FOCAD: variants seen among roughly 807,000 people sequenced by gnomAD.
The protein encoded by FOCAD is focadhesin.
FOCAD carries 198 observed loss-of-function variants against 225.6 expected under a neutral mutation model. The observed-to-expected ratio is 0.88, with a 90% CI of 0.78 to 0.99. FOCAD has a LOEUF of 0.99. FOCAD is among the 50% of genes least tolerant of loss of function. FOCAD has a pLI of 0.00. For synonymous variants in FOCAD, 897 were observed against 755.0 expected (o/e 1.19, Z -3.08); for missense variants, 2,713 against 2,123.6 (o/e 1.28, Z -5.46).
At chr9:20,678,275 T>C (rs955064710) in intron 2 of FOCAD, among the ~76,000 whole-genome samples, 2 of 152,200 alleles carry the variant, frequency 1.3e-5, no homozygotes, top group African/African-American at 4.8e-5. Context: ...GAAAAGTGGT[T>C]GTAGTTATTA....
chr9:20,781,454 C>T (rs1053675136), intron 9 of FOCAD, among the ~76,000 whole-genome samples: 1 of 151,092 alleles, frequency 6.6e-6, no homozygotes, highest in African/African-American at 2.4e-5. Context: ...ATATTAAGGG[C>T]AAATGTTGAA....
At chr9:20,849,848 A>T (rs1446395971) in intron 15 of FOCAD, among the ~76,000 whole-genome samples, 2 of 151,890 alleles carry the variant, frequency 1.3e-5, no homozygotes, top group African/African-American at 4.8e-5. Flanking sequence ...CTGCAAAAAG[A>T]AGGCCTATCT....
intron 2 of FOCAD, among the ~76,000 whole-genome samples, chr9:20,665,364 T>G (rs948990737): frequency 6.6e-6 from 1 of 152,154 alleles, no homozygotes; most frequent in Non-Finnish European, 1.5e-5. Flanking sequence ...TTTACACTGC[T>G]TAGGACAATA....
chr9:20,786,044 T>C (rs1204625788), intron 10 of FOCAD, among the ~76,000 whole-genome samples: 1 of 152,228 alleles, frequency 6.6e-6, no homozygotes, highest in Non-Finnish European at 1.5e-5. Flanking sequence ...AAACTGAGAT[T>C]AGAGCGGTTA....
intron 19 of FOCAD, among the ~76,000 whole-genome samples, chr9:20,879,979 C>A (rs896237284): frequency 3.9e-5 from 6 of 152,160 alleles, no homozygotes; most frequent in Admixed American, 3.9e-4. Context: ...CATCATAGTG[C>A]CTCTACCCTC....
chr9:20,746,457 A>G lies in FOCAD; in HGVS notation c.392+6117A>G, dbSNP rs1828044708. Among the ~76,000 whole-genome samples, 3 of 152,102 alleles carry G rather than the reference A, an allele frequency of 2.0e-5. No homozygotes were observed. The South Asian group carries it at 6.2e-4, about 31-fold the overall frequency. Reference sequence around the variant, plus strand: ...AAAGAGCCGTGGGAAGTCATTAAAAACATTTCTTTTTAACTTACTGTATTG... The same window carrying G: ...AAAGAGCCGTGGGAAGTCATTAAAAGCATTTCTTTTTAACTTACTGTATTG... On this transcript the variant is annotated intron_variant, in intron 5 of 43. Coordinates refer to ENST00000338382, the MANE Select transcript of FOCAD (RefSeq NM_001375567.1).
chr9:20,777,087 G>T (rs538426700), intron 8 of FOCAD, among the ~76,000 whole-genome samples: 2 of 150,308 alleles, frequency 1.3e-5, no homozygotes, highest in East Asian at 1.9e-4. Context: ...TTCTTTTGTT[G>T]TTTTTTTTCA....
chr9:20,942,535 AT>A (rs1381498604), intron 28 of FOCAD, among the ~76,000 whole-genome samples: 1 of 152,206 alleles, frequency 6.6e-6, no homozygotes, highest in East Asian at 1.9e-4. Context: ...CGTTCAGTGA[AT>A]TTTACTACTT....
At chr9:20,835,451 T>G (rs1209046615) in intron 15 of FOCAD, among the ~76,000 whole-genome samples, 1 of 152,104 alleles carries the variant, frequency 6.6e-6, no homozygotes, top group East Asian at 1.9e-4. Flanking sequence ...GAGTGTAGTT[T>G]AGGAACAATT....
At chr9:20,950,947 G>A (rs1423638099) in intron 33 of FOCAD, 49 bp from the exon 34 acceptor site, 1 of 1,512,814 alleles carries the variant, frequency 6.6e-7, no homozygotes, top group African/African-American at 1.4e-5. Context: ...TTTATTGAAT[G>A]GAACTTGGAT....
chr9:20,982,506 A>G (rs566882202), intron 39 of FOCAD, 60 bp downstream of exon 39: 2 of 1,346,356 alleles, frequency 1.5e-6, no homozygotes, highest in Non-Finnish European at 2.1e-6. Context: ...CGATTGAATA[A>G]TTGATTTCAG....
Position 20,758,164 on chromosome 9 carries a change from C to G in FOCAD, c.467C>G (p.Thr156Arg). The G allele has an allele frequency of 1.2e-5, 19 of 1,612,146 alleles. No homozygotes were observed. The highest frequency in any genetic ancestry group is 1.6e-5 in the Non-Finnish European group (19 of 1,179,152). ...DCWPVFLQQL[T>R]AFFQQCPERL... is the part of the protein sequence containing the mutation. ...TGGCCAGTGTTTTTGCAGCAGCTGA[C>G]AGCGTTTTTCCAGCAGTGCCCTGAA... Residue 156 changes from threonine to arginine, a missense_variant, in exon 6 of 44, where the codon ACA becomes AGA. Coordinates refer to ENST00000338382, the MANE Select transcript of FOCAD (RefSeq NM_001375567.1).
At chr9:20,966,172 T>A (rs1295007660) in intron 35 of FOCAD, among the ~76,000 whole-genome samples, 1 of 152,156 alleles carries the variant, frequency 6.6e-6, no homozygotes, top group Non-Finnish European at 1.5e-5. Context: ...AGGGTTCCAA[T>A]TTCTCCACGT....
chr9:20,660,715 G>A (rs530289883), intron 2 of FOCAD, among the ~76,000 whole-genome samples: 9 of 152,300 alleles, frequency 5.9e-5, no homozygotes, highest in Non-Finnish European at 1.0e-4. Context: ...GTGTTCACTG[G>A]ATGTGAAAAG....
chr9:20,757,208 C>T (rs1022299127), intron 5 of FOCAD, among the ~76,000 whole-genome samples: 2 of 152,230 alleles, frequency 1.3e-5, no homozygotes, highest in East Asian at 1.9e-4. Flanking sequence ...GGATTACAGG[C>T]GTGAGCCACC....
intron 35 of FOCAD, among the ~76,000 whole-genome samples, chr9:20,960,131 C>G (rs1426870367): frequency 6.6e-6 from 1 of 152,142 alleles, no homozygotes; most frequent in Non-Finnish European, 1.5e-5. Context: ...TCTCCTTCAA[C>G]CTGAACACTT....
chr9:20,989,765 G>A (rs1363239482), intron 41 of FOCAD, among the ~76,000 whole-genome samples: 4 of 152,136 alleles, frequency 2.6e-5, no homozygotes, highest in African/African-American at 2.4e-5. Context: ...TCTTCATTTT[G>A]TAAGCTCTTT....
intron 11 of FOCAD, among the ~76,000 whole-genome samples, chr9:20,810,131 C>A (rs1412048143): frequency 6.6e-6 from 1 of 152,100 alleles, no homozygotes; most frequent in African/African-American, 2.4e-5. Context: ...GTCAAGAAGA[C>A]ATCAAGTGCA....
chr9:20,829,721 A>G (rs1825295282), intron 15 of FOCAD, among the ~76,000 whole-genome samples: 1 of 152,120 alleles, frequency 6.6e-6, no homozygotes, highest in South Asian at 2.1e-4. Flanking sequence ...AAACCATAGG[A>G]GAGATCAGAT....
Sources: allele counts gnomAD v4.1 joint callset (sites outside exome capture counted in the v4.1 genomes callset), GRCh38; gene constraint gnomAD v4.1.1; transcripts MANE v1.5; gene names NCBI Gene and HGNC (gene_info 2026-07-23, HGNC 2026-07-21).